ARHGAP15: variants seen among roughly 807,000 people sequenced by gnomAD.
ARHGAP15 encodes the protein Rho GTPase activating protein 15.
Under a neutral mutation model 63.7 loss-of-function variants are expected in ARHGAP15, and 51 were observed. The observed-to-expected ratio is 0.80, with a 90% CI of 0.64 to 1.01. The LOEUF is 1.01. Ranked by LOEUF, ARHGAP15 falls within the 50% of genes least tolerant of loss-of-function variation. The probability of loss-of-function intolerance (pLI) is 0.00; values close to 1 mark genes in which losing one functional copy is unlikely to be tolerated. For missense variants in ARHGAP15, 560 were observed against 564.6 expected, an observed-to-expected ratio of 0.99 and a Z score of 0.08; for synonymous variants, 191 against 193.8, an observed-to-expected ratio of 0.99 and a Z score of 0.12.
chr2:143,312,539 T>A (rs1574255855), intron 6 of ARHGAP15, among the ~76,000 whole-genome samples: 1 of 152,172 alleles, frequency 6.6e-6, no homozygotes, highest in Non-Finnish European at 1.5e-5. Flanking sequence ...TATGTCATGA[T>A]TTTTAAACAT....
At chr2:143,189,870 T>C (rs1444454564) in intron 2 of ARHGAP15, among the ~76,000 whole-genome samples, 2 of 152,172 alleles carry the variant, frequency 1.3e-5, no homozygotes, top group African/African-American at 4.8e-5. Flanking sequence ...TATTTTTACT[T>C]TCCTAATGCC....
chr2:143,410,111 G>A (rs764097796), intron 6 of ARHGAP15, among the ~76,000 whole-genome samples: 1 of 151,344 alleles, frequency 6.6e-6, no homozygotes, highest in South Asian at 2.1e-4. Context: ...CATTTTGAAG[G>A]GTACTATATA....
intron 13 of ARHGAP15, among the ~76,000 whole-genome samples, chr2:143,720,615 T>A (rs1263423031): frequency 6.6e-6 from 1 of 152,106 alleles, no homozygotes; most frequent in Non-Finnish European, 1.5e-5. Flanking sequence ...AATGAGGGCA[T>A]CGAGGGGGTC....
intron 13 of ARHGAP15, among the ~76,000 whole-genome samples, chr2:143,730,892 TAAAAAAAAAAAAAAA>T (rs1158246680): frequency 1.2e-5 from 1 of 84,052 alleles, no homozygotes; most frequent in Non-Finnish European, 2.2e-5. Context: ...AGCACTCCTT[TAAAAAAAAAAAAAAA>T]AAAAAAAAAA....
intron 12 of ARHGAP15, among the ~76,000 whole-genome samples, chr2:143,684,042 C>T (rs983486564): frequency 6.6e-6 from 1 of 150,700 alleles, no homozygotes. Context: ...GTGTCTTAGC[C>T]TCAATAATCT....
intron 1 of ARHGAP15, among the ~76,000 whole-genome samples, chr2:143,133,842 C>A (rs932108152): frequency 1.6e-4 from 25 of 152,126 alleles, no homozygotes; most frequent in African/African-American, 6.0e-4. Context: ...TATGTAAAAA[C>A]CATATATATA....
At chr2:143,451,393 C>T (rs1230691956) in intron 8 of ARHGAP15, among the ~76,000 whole-genome samples, 1 of 151,770 alleles carries the variant, frequency 6.6e-6, no homozygotes, top group East Asian at 1.9e-4. Flanking sequence ...TAGAAAGTAG[C>T]ACTTCAAGAA....
chr2:143,682,911 G>A (rs950585655), intron 12 of ARHGAP15: 1 of 152,142 alleles, frequency 6.6e-6, no homozygotes, highest in Non-Finnish European at 1.5e-5. Flanking sequence ...TAGCACAAGA[G>A]CTTGCTTACT....
At chr2:143,578,853 T>G (rs559881780) in intron 11 of ARHGAP15, among the ~76,000 whole-genome samples, 3 of 152,314 alleles carry the variant, frequency 2.0e-5, no homozygotes, top group East Asian at 1.9e-4. Context: ...ATAGATGAGC[T>G]AATATGATAG....
intron 2 of ARHGAP15, among the ~76,000 whole-genome samples, chr2:143,197,082 G>A (rs1357014948): frequency 6.6e-6 from 1 of 151,896 alleles, no homozygotes; most frequent in Non-Finnish European, 1.5e-5. Flanking sequence ...ATAAAATGTA[G>A]GGTTTTTATA....
intron 6 of ARHGAP15, among the ~76,000 whole-genome samples, chr2:143,289,910 C>T (rs1682305304): frequency 6.6e-6 from 1 of 152,164 alleles, no homozygotes; most frequent in South Asian, 2.1e-4. Context: ...CAATCTGATT[C>T]TTTACAATAG....
chr2:143,501,604 T>C (rs1693063543), intron 9 of ARHGAP15, among the ~76,000 whole-genome samples: 1 of 152,218 alleles, frequency 6.6e-6, no homozygotes, highest in Non-Finnish European at 1.5e-5. Flanking sequence ...ATCCGTTTCT[T>C]ATGTTCATGT....
chr2:143,547,665 T>C (rs1695388929), intron 10 of ARHGAP15, among the ~76,000 whole-genome samples: 1 of 147,416 alleles, frequency 6.8e-6, no homozygotes, highest in Non-Finnish European at 1.5e-5. Context: ...TACTCCTGTA[T>C]CCAAATTGAG....
chr2:143,213,661 A>C (rs1320258539), intron 3 of ARHGAP15, among the ~76,000 whole-genome samples: 1 of 152,250 alleles, frequency 6.6e-6, no homozygotes, highest in Non-Finnish European at 1.5e-5. Context: ...TAGCAAGTGT[A>C]GTAGGTAATA....
intron 11 of ARHGAP15, among the ~76,000 whole-genome samples, chr2:143,569,212 A>C (rs1034936375): frequency 3.9e-5 from 6 of 152,360 alleles, no homozygotes; most frequent in African/African-American, 4.8e-5. Flanking sequence ...GAAGACTTCA[A>C]ATGGGGATTT....
intron 12 of ARHGAP15, among the ~76,000 whole-genome samples, chr2:143,660,389 C>T (rs1484444322): frequency 6.6e-6 from 1 of 152,106 alleles, no homozygotes; most frequent in African/African-American, 2.4e-5. Flanking sequence ...TACCAACGTT[C>T]CATAGTTTTT....
At position 143,359,874 on chromosome 2, in the gene ARHGAP15, T is replaced by C. The variant is rs1685966791; in HGVS notation, c.475-75727T>C. Among the ~76,000 whole-genome samples the C allele has an allele frequency of 3.3e-5, 5 of 152,248 alleles. No individual in the cohort carries two copies. In the South Asian group the frequency reaches 1.0e-3, roughly 32 times the overall value. On this transcript the variant is annotated intron_variant, in intron 6 of 13. Coordinates refer to ENST00000295095, the MANE Select transcript of ARHGAP15 (RefSeq NM_018460.4). ...TCGGTAGGAAAATTTTACTATAGGG[T>C]GACATCATAAAGTAGTTTATCACTT...
chr2:143,190,332 C>T (rs1026556922), intron 2 of ARHGAP15, among the ~76,000 whole-genome samples: 1 of 152,178 alleles, frequency 6.6e-6, no homozygotes, highest in Non-Finnish European at 1.5e-5. Flanking sequence ...ATGAAGCTGA[C>T]TTTTCATTGC....
chr2:143,178,272 A>G (rs967555507), intron 2 of ARHGAP15, among the ~76,000 whole-genome samples: 1 of 152,204 alleles, frequency 6.6e-6, no homozygotes, highest in African/African-American at 2.4e-5. Context: ...TTTTCAGAAA[A>G]AACTTCAAAA....
Sources: allele counts gnomAD v4.1 joint callset (sites outside exome capture counted in the v4.1 genomes callset), GRCh38; gene constraint gnomAD v4.1.1; transcripts MANE v1.5; gene names NCBI Gene and HGNC (gene_info 2026-07-23, HGNC 2026-07-21).